The following PLPPR1 variants were observed in gnomAD, a reference collection of about 807,000 sequenced individuals.
PLPPR1 encodes phospholipid phosphatase related 1, also known as phospholipid phosphatase-related protein type 1.
PLPPR1 carries 10 observed loss-of-function variants against 33.1 expected under a neutral mutation model. That is an observed-to-expected ratio of 0.30 (90% confidence interval 0.19 to 0.51). The LOEUF (loss-of-function observed/expected upper bound fraction) is 0.51. PLPPR1 is among the 20% of genes least tolerant of loss of function. The pLI is 0.97. For synonymous variants in PLPPR1, 151 were observed against 151.0 expected (o/e 1.00, Z 0.00); for missense variants, 304 against 408.1 (o/e 0.74, Z 2.20).
At chr9:101,289,671 C>A (rs184369758) in intron 4 of PLPPR1, among the ~76,000 whole-genome samples, 1 of 152,318 alleles carries the variant, frequency 6.6e-6, no homozygotes, top group East Asian at 1.9e-4. Flanking sequence ...TCCTCATTTT[C>A]TCTCTTTGCC....
chr9:101,076,224 T>A (rs1830534814), intron 1 of PLPPR1, among the ~76,000 whole-genome samples: 1 of 152,090 alleles, frequency 6.6e-6, no homozygotes, highest in Non-Finnish European at 1.5e-5. Flanking sequence ...GTCACTCTGA[T>A]GCATGCTTAA....
At chr9:101,047,138 T>C (rs1830161843) in intron 1 of PLPPR1, among the ~76,000 whole-genome samples, 1 of 152,222 alleles carries the variant, frequency 6.6e-6, no homozygotes, top group South Asian at 2.1e-4. Context: ...ATACATCTTT[T>C]CTTCCCCAGC....
intron 2 of PLPPR1, among the ~76,000 whole-genome samples, chr9:101,194,569 G>A (rs2118734292): frequency 6.6e-6 from 1 of 152,194 alleles, no homozygotes; most frequent in East Asian, 1.9e-4. Context: ...GACCAACATG[G>A]AGAAACCCCG....
chr9:101,199,070 TA>T (rs1826447790), intron 2 of PLPPR1, among the ~76,000 whole-genome samples: 1 of 152,222 alleles, frequency 6.6e-6, no homozygotes, highest in African/African-American at 2.4e-5. Flanking sequence ...AGATTTTCAC[TA>T]TATACAATAG....
chr9:101,156,060 C>CAG (rs1831682117), intron 1 of PLPPR1, among the ~76,000 whole-genome samples: 1 of 152,150 alleles, frequency 6.6e-6, no homozygotes, highest in Non-Finnish European at 1.5e-5. Context: ...GGGGTTATAG[C>CAG]AGAGAACAAA....
intron 1 of PLPPR1, among the ~76,000 whole-genome samples, chr9:101,167,141 G>GGTGTGTGTGTGTGTGTGT (rs756843224): frequency 0.086 from 3,426 of 39,708 alleles, 485 homozygotes; most frequent in Non-Finnish European, 0.11. Flanking sequence ...TATGTCTCTC[G>GGTGTGTGTGTGTGTGTGT]GTGTGTGTGT....
At chr9:101,108,298 C>G (rs563271586) in intron 1 of PLPPR1, among the ~76,000 whole-genome samples, 11 of 152,290 alleles carry the variant, frequency 7.2e-5, no homozygotes, top group Non-Finnish European at 1.3e-4. Context: ...ATTGATCTGT[C>G]TATGGACCAG....
chr9:101,098,773 T>C (rs1212379330), intron 1 of PLPPR1, among the ~76,000 whole-genome samples: 1 of 152,130 alleles, frequency 6.6e-6, no homozygotes, highest in African/African-American at 2.4e-5. Context: ...AATTCCTGAG[T>C]TCCATCCTGG....
At chr9:101,035,772 A>G (rs1830002796) in intron 1 of PLPPR1, among the ~76,000 whole-genome samples, 1 of 152,180 alleles carries the variant, frequency 6.6e-6, no homozygotes. Flanking sequence ...ACTTCATATT[A>G]TAGAAAATCA....
intron 1 of PLPPR1, among the ~76,000 whole-genome samples, chr9:101,151,351 A>G (rs144790517): frequency 5.4e-4 from 82 of 152,344 alleles, no homozygotes; most frequent in African/African-American, 1.9e-3. Context: ...AGTCAAATTT[A>G]TCCTAAGAAA....
At chr9:101,177,127 A>AT (rs1489519036) in intron 1 of PLPPR1, among the ~76,000 whole-genome samples, 1 of 151,822 alleles carries the variant, frequency 6.6e-6, no homozygotes, top group Admixed American at 6.6e-5. Flanking sequence ...GAATTTTAGG[A>AT]TTTTTTTTCT....
chr9:101,117,310 C>T (rs545996869), intron 1 of PLPPR1, among the ~76,000 whole-genome samples: 10 of 152,196 alleles, frequency 6.6e-5, no homozygotes, highest in African/African-American at 1.9e-4. Context: ...CAAAACCCAC[C>T]GAAACCAAGA....
chr9:101,307,579 C>A (rs373027302), intron 4 of PLPPR1, among the ~76,000 whole-genome samples: 2 of 152,276 alleles, frequency 1.3e-5, no homozygotes, highest in African/African-American at 2.4e-5. Context: ...AGCTTAAGAG[C>A]TAGTTCTCAT....
At chr9:101,147,918 A>G (rs977016226) in intron 1 of PLPPR1, among the ~76,000 whole-genome samples, 1 of 152,180 alleles carries the variant, frequency 6.6e-6, no homozygotes, top group African/African-American at 2.4e-5. Context: ...GGTCAAGTCC[A>G]AGGGGCTTTC....
chr9:101,304,059 TAG>T (rs1329328593), intron 4 of PLPPR1, among the ~76,000 whole-genome samples: 2 of 151,978 alleles, frequency 1.3e-5, no homozygotes, highest in Admixed American at 6.6e-5. Context: ...TGCATTAGAA[TAG>T]AGAGTGCTTT....
rs371399190 is a variant in PLPPR1 at position 101,317,431 on chromosome 9, C to A, written c.880C>A (p.Pro294Thr). 2.5e-5 allele frequency: 41 copies of A among 1,613,922 alleles called. No homozygotes were observed. The highest frequency in any genetic ancestry group is 3.5e-5 in the Non-Finnish European group (41 of 1,179,818). The change falls in exon 7 of 8, where the codon CCC becomes ACC. Residue 294 changes from proline to threonine, a missense_variant. Pro to Thr is a conservative substitution (Grantham distance 38, BLOSUM62 -1). Coordinates refer to ENST00000374874, the MANE Select transcript of PLPPR1 (RefSeq NM_207299.2). Reference sequence around the variant, plus strand: ...TCCTTCCAAACCCAAGCCTGAGGATCCCCGTGGAGTACCCCTAATGGCTTT... The same window carrying A: ...TCCTTCCAAACCCAAGCCTGAGGATACCCGTGGAGTACCCCTAATGGCTTT... ...GSPSKPKPED[P>T]RGVPLMAFPR...
In PLPPR1 at chr9:101,167,765, C is replaced by A. The variant is rs75721390; in HGVS notation, c.-45-17685C>A. On this transcript the variant is annotated intron_variant, in intron 1 of 7. Transcript: ENST00000374874. ...AGCTTCTATCTACCTCTCCTCCCTGCTCATCTCAAAAATACAAAATCTAGA... is the reference window on the plus strand; with the variant it reads ...AGCTTCTATCTACCTCTCCTCCCTGATCATCTCAAAAATACAAAATCTAGA... Among the ~76,000 whole-genome samples the A allele has an allele frequency of 3.7e-3, 570 of 152,278 alleles. 10 individuals are homozygous for A. The highest frequency in any genetic ancestry group is 0.032 in the East Asian group (163 of 5,166).
intron 1 of PLPPR1, among the ~76,000 whole-genome samples, chr9:101,090,415 T>A (rs1243143457): frequency 6.6e-6 from 1 of 152,190 alleles, no homozygotes; most frequent in Non-Finnish European, 1.5e-5. Flanking sequence ...GATTTCATGT[T>A]TGCTGATTTA....
At chr9:101,078,799 T>C (rs1173538090) in intron 1 of PLPPR1, among the ~76,000 whole-genome samples, 1 of 151,970 alleles carries the variant, frequency 6.6e-6, no homozygotes, top group Non-Finnish European at 1.5e-5. Context: ...TCTCAATTCT[T>C]GTATGTTTCT....
Sources: allele counts gnomAD v4.1 joint callset (sites outside exome capture counted in the v4.1 genomes callset), GRCh38; gene constraint gnomAD v4.1.1; transcripts MANE v1.5; gene names NCBI Gene and HGNC (gene_info 2026-07-23, HGNC 2026-07-21).